The following GAB2 variants were observed in gnomAD, a reference collection of about 807,000 sequenced individuals.
GAB2 encodes the protein GRB2-associated-binding protein 2.
Under a neutral mutation model 65.5 loss-of-function variants are expected in GAB2, and 26 were observed. The observed-to-expected ratio is 0.40, with a 90% CI of 0.29 to 0.55. The LOEUF is 0.55. Among genes scored for constraint, GAB2 ranks in the 20% least tolerant of loss-of-function variants. The pLI is 0.53. For missense variants in GAB2, 884 were observed against 875.8 expected, an observed-to-expected ratio of 1.01 and a Z score of -0.12; for synonymous variants, 321 against 329.6, an observed-to-expected ratio of 0.97 and a Z score of 0.28.
At chr11:78,240,494 A>G (rs1865099217) in intron 3 of GAB2, among the ~76,000 whole-genome samples, 1 of 151,360 alleles carries the variant, frequency 6.6e-6, no homozygotes, top group Admixed American at 6.6e-5. Flanking sequence ...CTAGAGTCTG[A>G]GCTGTTGAGA....
chr11:78,331,245 AT>A (rs1379155741), intron 1 of GAB2, among the ~76,000 whole-genome samples: 2 of 141,342 alleles, frequency 1.4e-5, no homozygotes, highest in East Asian at 4.6e-4. Context: ...CAAATTCTCC[AT>A]TCTTTTTTTT....
chr11:78,272,295 G>T (rs1199868427), intron 2 of GAB2, among the ~76,000 whole-genome samples: 1 of 152,186 alleles, frequency 6.6e-6, no homozygotes, highest in Non-Finnish European at 1.5e-5. Context: ...AGGAAAATGT[G>T]GGAAAGTTTG....
chr11:78,396,340 C>T (rs1003717470), intron 1 of GAB2, among the ~76,000 whole-genome samples: 6 of 152,132 alleles, frequency 3.9e-5, no homozygotes, highest in African/African-American at 9.7e-5. Context: ...CTGTTGTTAA[C>T]GTGAATTATA....
rs767941813 is a variant in GAB2, at chr11:78,250,141, T to C, written c.620+16A>G. 2 of 1,611,706 alleles carry C rather than the reference T, an allele frequency of 1.2e-6. No individual in the cohort carries two copies. Among genetic ancestry groups the C allele is most frequent in the Non-Finnish European group, 1.7e-6 (2 of 1,179,688 alleles). On this transcript the variant is annotated intron_variant, in intron 3 of 9. Coordinates refer to ENST00000361507, the MANE Select transcript of GAB2 (RefSeq NM_080491.3). ...AGCGGTCACTAACCCACCTAATGGC[T>C]GTGGCAGCCTCCTACCTTGCATTTT... is the stretch of plus-strand genomic sequence containing the variant.
Position 78,223,403 on chromosome 11 carries a change from T to C in GAB2, c.1567+9A>G, listed in dbSNP as rs373388833. On this transcript the variant is annotated intron_variant, in intron 6 of 9. Transcript: ENST00000361507. ...TCCAGAGATGGGACAGGGGAAAGAA[T>C]GGACTTACCTTTCCGATCAGGTTTG... is the stretch of plus-strand genomic sequence containing the variant. 14 of 1,509,072 alleles carry C rather than the reference T, an allele frequency of 9.3e-6. No homozygotes were observed. The highest frequency in any genetic ancestry group is 1.4e-5 in the African/African-American group (1 of 71,246). 93.5% of individuals were successfully genotyped at this position (1,509,072 alleles called of 1,614,324 possible).
At chr11:78,230,087 C>T (rs1386734656) in intron 3 of GAB2, among the ~76,000 whole-genome samples, 4 of 152,200 alleles carry the variant, frequency 2.6e-5, no homozygotes, top group Non-Finnish European at 5.9e-5. Context: ...ATTTTTCTCT[C>T]CTTAGCACCT....
chr11:78,252,875 G>A (rs1293162682), intron 2 of GAB2, among the ~76,000 whole-genome samples: 1 of 151,946 alleles, frequency 6.6e-6, no homozygotes, highest in East Asian at 1.9e-4. Context: ...CAGCCAATAA[G>A]TTCTCCAAGC....
chr11:78,279,513 T>G (rs1866272026), intron 2 of GAB2, among the ~76,000 whole-genome samples: 1 of 152,110 alleles, frequency 6.6e-6, no homozygotes, highest in African/African-American at 2.4e-5. Context: ...AATACAGTGG[T>G]TTTTAGTATA....
At chr11:78,300,516 T>TAAAAAAACA (rs1565149562) in intron 1 of GAB2, among the ~76,000 whole-genome samples, 3 of 142,792 alleles carry the variant, frequency 2.1e-5, no homozygotes, top group South Asian at 4.6e-4. Context: ...TTTAATTTTA[T>TAAAAAAACA]AAAAAAACAA....
chr11:78,291,555 C>CTTTTTTTTTTTTTTTTTTTTTTTTTTTTT (rs796161663), intron 1 of GAB2, among the ~76,000 whole-genome samples: 3 of 55,046 alleles, frequency 5.4e-5, no homozygotes, highest in African/African-American at 6.4e-5. Context: ...TTACTTTTTT[C>CTTTTTTTTTTTTTTTTTTTTTTTTTTTTT]TTTTTCTTTT....
intron 1 of GAB2, chr11:78,341,793 C>T: frequency 1.0e-6 from 1 of 986,314 alleles, no homozygotes; most frequent in Non-Finnish European, 1.2e-6. Flanking sequence ...CTAATTCCCT[C>T]ACTTGTCTCT....
rs1565168352 is a variant in GAB2, at chr11:78,346,722, A to ATATT, written c.76-65822_76-65821insAATA. On this transcript the variant is annotated intron_variant, in intron 1 of 9. Transcript: ENST00000361507. ...ATATATATATATATATATATATATAATTTTTTTTTTTTTTAGGAAAAGAAA... is the reference window on the plus strand; with the variant it reads ...ATATATATATATATATATATATATAATATTTTTTTTTTTTTTTTAGGAAAAGAAA... Among the ~76,000 whole-genome samples the ATATT allele has an allele frequency of 4.0e-3, 124 of 30,770 alleles. 5 individuals carry two copies. The highest frequency in any genetic ancestry group is 7.8e-3 in the South Asian group (7 of 898). 20.2% of individuals were successfully genotyped at this position (30,770 alleles called of 152,430 possible). A position where few individuals can be genotyped will look rare whatever the true frequency, so the allele number is the denominator to read the frequency against.
intron 2 of GAB2, 141 bp downstream of exon 2, chr11:78,280,460 C>A: frequency 1.4e-6 from 1 of 727,524 alleles, no homozygotes. Context: ...AATATTTGGC[C>A]AACCCCTTCA....
At chr11:78,402,177 T>C (rs1856981568) in intron 1 of GAB2, among the ~76,000 whole-genome samples, 1 of 152,164 alleles carries the variant, frequency 6.6e-6, no homozygotes, top group African/African-American at 2.4e-5. Flanking sequence ...TTTAGTGTCC[T>C]TGCACACACT....
intron 1 of GAB2, among the ~76,000 whole-genome samples, chr11:78,307,180 C>A (rs1038796832): frequency 2.0e-5 from 3 of 152,066 alleles, no homozygotes; most frequent in Non-Finnish European, 4.4e-5. Context: ...AAGAGTAGCC[C>A]ATGACAGCAA....
At chr11:78,398,849 A>G (rs1856935224) in intron 1 of GAB2, among the ~76,000 whole-genome samples, 1 of 152,234 alleles carries the variant, frequency 6.6e-6, no homozygotes, top group African/African-American at 2.4e-5. Context: ...ACATCTTGTC[A>G]TACCAGAGAA....
intron 1 of GAB2, among the ~76,000 whole-genome samples, chr11:78,350,670 A>T (rs1039508948): frequency 7.2e-5 from 11 of 152,338 alleles, no homozygotes; most frequent in African/African-American, 2.6e-4. Flanking sequence ...GTTAGGAACT[A>T]AATGCTCTAA....
chr11:78,396,647 G>A (rs1261488536), intron 1 of GAB2, among the ~76,000 whole-genome samples: 1 of 151,916 alleles, frequency 6.6e-6, no homozygotes, highest in Non-Finnish European at 1.5e-5. Flanking sequence ...CACTCTTGTT[G>A]TCCAGGCTGG....
At chr11:78,292,736 C>T (rs557944173) in intron 1 of GAB2, among the ~76,000 whole-genome samples, 2 of 152,350 alleles carry the variant, frequency 1.3e-5, no homozygotes, top group South Asian at 2.1e-4. Flanking sequence ...TATCCTTCCT[C>T]TAGCAATCCT....
Sources: gnomAD v4.1 joint callset for allele counts (sites outside exome capture counted in the v4.1 genomes callset) on GRCh38, gnomAD v4.1.1 for gene constraint, MANE v1.5 for transcripts, NCBI Gene and HGNC (gene_info 2026-07-23, HGNC 2026-07-21) for gene names.